The following CFAP299 variants were observed in gnomAD, a reference collection of about 807,000 sequenced individuals.
CFAP299 encodes cilia- and flagella-associated protein 299.
CFAP299 carries 21 observed loss-of-function variants against 27.0 expected under a neutral mutation model. That is an observed-to-expected ratio of 0.78 (90% CI 0.55 to 1.12). The LOEUF is 1.12. Among genes scored for constraint, CFAP299 ranks in the 50% most tolerant of loss-of-function variants. CFAP299 has a pLI of 0.00. For missense variants in CFAP299, 310 were observed against 276.6 expected, an observed-to-expected ratio of 1.12 and a Z score of -0.86; for synonymous variants, 104 against 98.1, an observed-to-expected ratio of 1.06 and a Z score of -0.36.
chr4:80,800,768 T>TATACATATATATGTATAC, intron 3 of CFAP299, among the ~76,000 whole-genome samples: 44 of 128,248 alleles, frequency 3.4e-4, no homozygotes, highest in African/African-American at 1.4e-3. Context: ...TGTGTGTGTG[T>TATACATATATATGTATAC]ATATATATAT....
chr4:80,737,825 G>A (rs1724001272), intron 3 of CFAP299, among the ~76,000 whole-genome samples: 1 of 151,954 alleles, frequency 6.6e-6, no homozygotes, highest in African/African-American at 2.4e-5. Context: ...AACAACTTCA[G>A]GTTGGTGAAT....
intron 2 of CFAP299, among the ~76,000 whole-genome samples, chr4:80,395,739 A>G (rs1011007833): frequency 6.6e-6 from 1 of 152,146 alleles, no homozygotes; most frequent in Non-Finnish European, 1.5e-5. Context: ...TGCCATTTTT[A>G]ACAATTTGGA....
chr4:80,885,637 CTT>C (rs1169410931), intron 4 of CFAP299, among the ~76,000 whole-genome samples: 7 of 152,114 alleles, frequency 4.6e-5, no homozygotes, highest in Non-Finnish European at 1.0e-4. Flanking sequence ...AACTAGGTAC[CTT>C]GAAGGGAAGG....
At chr4:80,371,129 T>C (rs906414459) in intron 2 of CFAP299, among the ~76,000 whole-genome samples, 2 of 152,198 alleles carry the variant, frequency 1.3e-5, no homozygotes, top group Non-Finnish European at 2.9e-5. Flanking sequence ...ATGGCTTGCA[T>C]CCTCTGGAAC....
chr4:80,335,074 G>A (rs1184439320), upstream of CFAP299, among the ~76,000 whole-genome samples: 1 of 152,066 alleles, frequency 6.6e-6, no homozygotes, highest in East Asian at 1.9e-4. Context: ...AAAATCTTTA[G>A]TGAAAGACTT....
At chr4:80,846,777 T>C (rs1431076348) in intron 3 of CFAP299, among the ~76,000 whole-genome samples, 1 of 152,160 alleles carries the variant, frequency 6.6e-6, no homozygotes, top group Non-Finnish European at 1.5e-5. Context: ...GACCACATTC[T>C]TTTCTACTCC....
chr4:80,416,081 G>A (rs995968469), intron 2 of CFAP299, among the ~76,000 whole-genome samples: 4 of 152,156 alleles, frequency 2.6e-5, no homozygotes, highest in African/African-American at 9.7e-5. Context: ...TTTTTGAAGA[G>A]CATCCTTTCC....
chr4:80,552,606 AG>A (rs747666897), intron 2 of CFAP299, among the ~76,000 whole-genome samples: 2 of 152,250 alleles, frequency 1.3e-5, no homozygotes, highest in Non-Finnish European at 2.9e-5. Context: ...TTATGGAAAA[AG>A]AAAAATGTTT....
chr4:80,556,328 C>T (rs1384686243), intron 2 of CFAP299, among the ~76,000 whole-genome samples: 13 of 151,928 alleles, frequency 8.6e-5, no homozygotes, highest in East Asian at 3.9e-4. Context: ...AACAAATTTT[C>T]GATGACAAAA....
At chr4:80,490,635 A>C (rs1463490069) in intron 2 of CFAP299, among the ~76,000 whole-genome samples, 3 of 152,244 alleles carry the variant, frequency 2.0e-5, no homozygotes, top group African/African-American at 7.2e-5. Context: ...TCTTACAGAA[A>C]TAGTATAACT....
chr4:80,397,361 T>A (rs1470891364), intron 2 of CFAP299, among the ~76,000 whole-genome samples: 1 of 152,160 alleles, frequency 6.6e-6, no homozygotes, highest in Non-Finnish European at 1.5e-5. Flanking sequence ...TTTGAAGGGT[T>A]TTTTTGCGTC....
At chr4:80,652,330 T>G (rs1366322940) in intron 3 of CFAP299, among the ~76,000 whole-genome samples, 1 of 152,136 alleles carries the variant, frequency 6.6e-6, no homozygotes, top group Non-Finnish European at 1.5e-5. Flanking sequence ...AATATGTATT[T>G]ATATATTTGG....
chr4:80,931,328 C>T (rs1736605867), intron 4 of CFAP299, among the ~76,000 whole-genome samples: 1 of 152,024 alleles, frequency 6.6e-6, no homozygotes, highest in African/African-American at 2.4e-5. Flanking sequence ...CTCCAAAGAT[C>T]CTTATTTACC....
In CFAP299 at chr4:80,664,335, C is replaced by T. The variant is rs187133610; in HGVS notation, c.333+81152C>T. On this transcript the variant is annotated intron_variant, in intron 3 of 5. Transcript: ENST00000358105. ...AACGTTTGAGTCTGCTGAAGCTGCA[C>T]CCATGGATGCCCCTTCTCCCAGATG... Among the ~76,000 whole-genome samples the T allele has an allele frequency of 4.0e-3, 607 of 152,232 alleles. 2 individuals are homozygous for T. Among genetic ancestry groups the T allele is most frequent in the Non-Finnish European group, 6.7e-3 (457 of 68,018 alleles).
At chr4:80,337,066 A>AT (rs1214371357) in intron 1 of CFAP299, among the ~76,000 whole-genome samples, 6 of 152,226 alleles carry the variant, frequency 3.9e-5, no homozygotes, top group African/African-American at 1.4e-4. Flanking sequence ...CAAAAGCAAA[A>AT]TTTTAAAACA....
chr4:80,490,431 T>C (rs1311392539), intron 2 of CFAP299, among the ~76,000 whole-genome samples: 1 of 152,216 alleles, frequency 6.6e-6, no homozygotes, highest in African/African-American at 2.4e-5. Flanking sequence ...TACCGCACAC[T>C]TTTGACTTGA....
intron 4 of CFAP299, among the ~76,000 whole-genome samples, chr4:80,875,444 A>G (rs1246056560): frequency 1.3e-5 from 2 of 151,892 alleles, no homozygotes; most frequent in Non-Finnish European, 2.9e-5. Flanking sequence ...GGTGGATCAC[A>G]AGGTCAAGAG....
At chr4:80,885,698 C>T (rs1163582491) in intron 4 of CFAP299, among the ~76,000 whole-genome samples, 1 of 152,148 alleles carries the variant, frequency 6.6e-6, no homozygotes, top group Non-Finnish European at 1.5e-5. Context: ...AGTCCTTGGG[C>T]TGTGAATAAC....
intron 3 of CFAP299, among the ~76,000 whole-genome samples, chr4:80,631,298 T>C (rs1739193475): frequency 6.6e-6 from 1 of 152,076 alleles, no homozygotes; most frequent in Non-Finnish European, 1.5e-5. Flanking sequence ...GTCTTATTAG[T>C]TTATTTAAAT....
Sources: allele counts gnomAD v4.1 joint callset (sites outside exome capture counted in the v4.1 genomes callset), GRCh38; gene constraint gnomAD v4.1.1; transcripts MANE v1.5; gene names NCBI Gene and HGNC (gene_info 2026-07-23, HGNC 2026-07-21).